Variants in TPRX1 observed in about 807,000 individuals in gnomAD.
The protein encoded by TPRX1 is tetra-peptide repeat homeobox protein 1.
Under a neutral mutation model 8.1 loss-of-function variants are expected in TPRX1, and 2 were observed. The ratio of observed to expected loss-of-function variants is 0.25; its 90% CI spans 0.10 to 0.78. The LOEUF is 0.78. Among genes scored for constraint, TPRX1 ranks in the 30% least tolerant of loss-of-function variants. TPRX1 has a pLI of 0.70. For missense variants in TPRX1, 517 were observed against 586.9 expected (o/e 0.88, Z 1.23); for synonymous variants, 257 against 254.1 (o/e 1.01, Z -0.11).
At chr19:47,802,580 T>C (rs1424425069) in exon 4 of TPRX1, 1 of 1,464,004 alleles carries the variant, frequency 6.8e-7, no homozygotes. Flanking sequence ...GCCTGGGATC[T>C]GGACTGGGCC....
chr19:47,816,572 G>A (rs1291799179), intron 2 of TPRX1, among the ~76,000 whole-genome samples: 8 of 130,158 alleles, frequency 6.1e-5, no homozygotes, highest in Non-Finnish European at 1.2e-4. Context: ...TCACGCCGTC[G>A]CCCAGGCTGG....
chr19:47,806,772 A>G (rs1434710561), intron 2 of TPRX1, among the ~76,000 whole-genome samples: 4 of 152,178 alleles, frequency 2.6e-5, no homozygotes, highest in African/African-American at 9.7e-5. Flanking sequence ...AGTGGTTGCT[A>G]CGGGTTGGGG....
exon 4 of TPRX1, chr19:47,801,753 GAACTT>G: frequency 6.3e-7 from 1 of 1,591,028 alleles, no homozygotes. Flanking sequence ...GGGATCTGAA[GAACTT>G]TGCAGGCACA....
chr19:47,808,049 C>G (rs1035283808), intron 2 of TPRX1, among the ~76,000 whole-genome samples: 6 of 152,102 alleles, frequency 3.9e-5, no homozygotes, highest in African/African-American at 1.4e-4. Context: ...GCAACCTCAG[C>G]CTCCTGAGTA....
At chr19:47,812,722 A>G (rs1465907292) in intron 2 of TPRX1, among the ~76,000 whole-genome samples, 1 of 151,940 alleles carries the variant, frequency 6.6e-6, no homozygotes, top group Non-Finnish European at 1.5e-5. Flanking sequence ...GAGAAACAGA[A>G]TAAAGCAAAG....
chr19:47,803,090 C>A, intron 3 of TPRX1, 110 bp from the exon 3 acceptor site: 1 of 1,293,584 alleles, frequency 7.7e-7, no homozygotes, highest in Non-Finnish European at 1.0e-6. Flanking sequence ...TCAACAGCCC[C>A]CCATCCCCCA....
exon 4 of TPRX1, chr19:47,802,522 G>C (rs777898358): frequency 1.3e-6 from 2 of 1,549,824 alleles, no homozygotes; most frequent in African/African-American, 1.4e-5. Flanking sequence ...TTGGGCCTGG[G>C]ATCGGGGCTG....
exon 4 of TPRX1, chr19:47,801,645 G>A (rs904355654): frequency 1.4e-5 from 16 of 1,105,828 alleles, no homozygotes; most frequent in Middle Eastern, 3.1e-4. Context: ...GCTGCACAGT[G>A]AAGACAGCAA....
At position 47,803,512 on chromosome 19, in the gene TPRX1, G is replaced by A. The variant is rs543915165; in HGVS notation, c.313C>T (p.Gln105Ter). The A allele has an allele frequency of 6.7e-5, 101 of 1,503,422 alleles. No homozygotes were observed. In the East Asian group the frequency reaches 1.1e-3, roughly 16 times the overall value. The allele number at this position is 1,503,422 out of a possible 1,614,324, so 93.1% of individuals were successfully genotyped here. Residue 105 changes from glutamine (Q) to a stop codon, truncating the protein, a stop_gained, in exon 3 of 4, where the codon CAG becomes TAG. Coordinates refer to ENST00000535759, the Ensembl canonical transcript of TPRX1. LOFTEE classifies it low-confidence loss of function (END_TRUNC). ...GGGGGTGGGGGTCAGACCTGCAGCT[G>A]TTGCTCCCTGAGGCTGAGCATCTCC...
Position 47,812,956 on chromosome 19 carries a change from A to T in TPRX1, c.151+5512T>A, listed in dbSNP as rs556376795. Among the ~76,000 whole-genome samples, 4 of 151,630 alleles carry T rather than the reference A, an allele frequency of 2.6e-5. No individual in the cohort carries two copies. The South Asian group carries it at 8.3e-4, about 32-fold the overall frequency. On this transcript the variant is annotated intron_variant, in intron 2 of 3. Transcript: ENST00000535759. ...CCCCGTCTGTACTAAAAATACAAAA[A>T]ATTAGCCAGGTATGGTGGCACGCGC...
chr19:47,808,676 G>A (rs1967757132), intron 2 of TPRX1, among the ~76,000 whole-genome samples: 1 of 134,998 alleles, frequency 7.4e-6, no homozygotes, highest in Non-Finnish European at 1.7e-5. Context: ...GGCTGGTCTT[G>A]AACTCCTGAC....
intron 2 of TPRX1, among the ~76,000 whole-genome samples, chr19:47,812,671 T>C (rs28485429): frequency 0.1 from 15,440 of 150,022 alleles, 890 homozygotes; most frequent in African/African-American, 0.13. Flanking sequence ...GGAGGGGAGA[T>C]TGCAGTGAGC....
chr19:47,808,480 C>T (rs1304621550), intron 2 of TPRX1, among the ~76,000 whole-genome samples: 2 of 151,742 alleles, frequency 1.3e-5, no homozygotes, highest in Middle Eastern at 3.4e-3. Flanking sequence ...GACTAAAGTG[C>T]AGTGGCTCTG....
In TPRX1 at chr19:47,803,477, C is replaced by T. The variant is rs555417915; in HGVS notation, c.321+27G>A. ...GGGAGGCTCCTTGGGGTGACTGGGGCGGGCAGGGTGGGGGTGGGGGTCAGA... is the reference window on the plus strand; with the variant it reads ...GGGAGGCTCCTTGGGGTGACTGGGGTGGGCAGGGTGGGGGTGGGGGTCAGA... On this transcript the variant is annotated intron_variant, in intron 3 of 3. Transcript: ENST00000535759. The T allele has an allele frequency of 9.3e-5, 88 of 945,766 alleles. 4 individuals are homozygous for T. The African/African-American group carries it at 2.8e-3, about 30-fold the overall frequency. 58.6% of individuals were successfully genotyped at this position (945,766 alleles called of 1,614,324 possible). A position where few individuals can be genotyped will look rare whatever the true frequency, so the allele number is the denominator to read the frequency against.
chr19:47,811,764 T>C (rs981977439), intron 2 of TPRX1, among the ~76,000 whole-genome samples: 6 of 152,124 alleles, frequency 3.9e-5, no homozygotes, highest in Non-Finnish European at 7.4e-5. Context: ...CCCAAAGTGC[T>C]GGGATTACAG....
At chr19:47,813,159 C>T (rs1290628796) in intron 2 of TPRX1, among the ~76,000 whole-genome samples, 1 of 128,128 alleles carries the variant, frequency 7.8e-6, no homozygotes, top group Non-Finnish European at 1.7e-5. Context: ...ATAAAACAAC[C>T]CCCCCCACCC....
chr19:47,815,582 G>A (rs1967832334), intron 2 of TPRX1, among the ~76,000 whole-genome samples: 2 of 148,554 alleles, frequency 1.3e-5, no homozygotes, highest in Admixed American at 1.4e-4. Flanking sequence ...GCCCAGGCAG[G>A]AGGATCACTT....
chr19:47,807,968 G>T (rs1023049302), intron 2 of TPRX1, among the ~76,000 whole-genome samples: 1 of 151,988 alleles, frequency 6.6e-6, no homozygotes, highest in Non-Finnish European at 1.5e-5. Context: ...TTGCTCTGTT[G>T]CCCAGATTGG....
intron 2 of TPRX1, among the ~76,000 whole-genome samples, chr19:47,817,367 C>G (rs910398327): frequency 3.3e-5 from 5 of 152,084 alleles, no homozygotes; most frequent in Admixed American, 6.6e-5. Flanking sequence ...GAAGTGTAGT[C>G]TCCAGTTCTG....
Sources: allele counts gnomAD v4.1 joint callset (sites outside exome capture counted in the v4.1 genomes callset), GRCh38; gene constraint gnomAD v4.1.1; transcripts MANE v1.5; gene names NCBI Gene and HGNC (gene_info 2026-07-23, HGNC 2026-07-21).